The following KLHL22 variants were observed in gnomAD, a reference collection of about 807,000 sequenced individuals.
The protein encoded by KLHL22 is kelch-like protein 22.
Under a neutral mutation model 60.7 loss-of-function variants are expected in KLHL22, and 18 were observed. That is an observed-to-expected ratio of 0.30 (90% CI 0.20 to 0.44). KLHL22 has a LOEUF of 0.44. Ranked by LOEUF, KLHL22 falls within the 20% of genes least tolerant of loss-of-function variation. KLHL22 has a pLI of 1.00. For missense variants in KLHL22, 596 were observed against 852.3 expected, an observed-to-expected ratio of 0.70 and a Z score of 3.74; for synonymous variants, 355 against 354.5, an observed-to-expected ratio of 1.00 and a Z score of -0.01.
intron 6 of KLHL22, among the ~76,000 whole-genome samples, chr22:20,442,935 T>C (rs933644916): frequency 2.0e-5 from 3 of 152,230 alleles, no homozygotes; most frequent in Admixed American, 2.0e-4. Flanking sequence ...TGGAAGTAAT[T>C]CCTTGCGGAG....
intron 2 of KLHL22, among the ~76,000 whole-genome samples, chr22:20,484,985 C>T (rs1234399160): frequency 6.6e-6 from 1 of 152,128 alleles, no homozygotes; most frequent in East Asian, 1.9e-4. Flanking sequence ...AAAGGCACAC[C>T]TACCCTGGAA....
At chr22:20,482,747 A>ATTT in intron 2 of KLHL22, 4 of 493,800 alleles carry the variant, frequency 8.1e-6, no homozygotes, top group Admixed American at 3.2e-5. Flanking sequence ...TAATTTTTGT[A>ATTT]TTTTTTTTTG....
chr22:20,494,057 C>T (rs2053730142), intron 1 of KLHL22, among the ~76,000 whole-genome samples: 2 of 131,518 alleles, frequency 1.5e-5, no homozygotes, highest in Admixed American at 8.5e-5. Flanking sequence ...CCAGCCTGGG[C>T]GACAGAGCCA....
intron 2 of KLHL22, among the ~76,000 whole-genome samples, chr22:20,487,002 C>T (rs1387689530): frequency 1.3e-5 from 2 of 151,966 alleles, no homozygotes; most frequent in Non-Finnish European, 2.9e-5. Context: ...TCACTGCAAC[C>T]TCCGCCTCCT....
chr22:20,488,953 A>G, intron 2 of KLHL22, 32 bp downstream of exon 2: 1 of 1,601,298 alleles, frequency 6.2e-7, no homozygotes, highest in Non-Finnish European at 8.5e-7. Context: ...TACCTTTGTT[A>G]TTCTTCTTAC....
intron 4 of KLHL22, among the ~76,000 whole-genome samples, chr22:20,458,844 G>A (rs764056705): frequency 2.1e-4 from 32 of 152,076 alleles, no homozygotes; most frequent in Admixed American, 1.2e-3. Context: ...CTCCACTCAA[G>A]GTCTCCCTCT....
At chr22:20,442,518 G>T in intron 6 of KLHL22, 80 bp from the exon 7 acceptor site, 1 of 1,472,630 alleles carries the variant, frequency 6.8e-7, no homozygotes. Context: ...ACTGACCAAG[G>T]TGGCAACAGT....
At chr22:20,466,373 A>T (rs2053236188) in intron 3 of KLHL22, among the ~76,000 whole-genome samples, 2 of 2,916 alleles carry the variant, frequency 6.9e-4, no homozygotes, top group African/African-American at 8.6e-4. Flanking sequence ...GACTCCGTCT[A>T]AAAAAAAAAA....
chr22:20,484,687 C>T (rs1180305261), intron 2 of KLHL22, among the ~76,000 whole-genome samples: 2 of 151,652 alleles, frequency 1.3e-5, no homozygotes, highest in South Asian at 2.1e-4. Context: ...CCACCTTGGC[C>T]TTGCAAAACG....
chr22:20,450,552 C>A (rs902666632), intron 5 of KLHL22: 1 of 1,613,166 alleles, frequency 6.2e-7, no homozygotes, highest in African/African-American at 1.3e-5. Flanking sequence ...CTGAAACCCA[C>A]AATTGTGTTG....
In KLHL22 at chr22:20,464,932, C is replaced by T; in HGVS notation, c.1038G>A (p.Val346=). The change falls in exon 4 of 7, where the codon GTG becomes GTA. Residue 346 remains valine, a synonymous_variant. Coordinates refer to ENST00000328879, the MANE Select transcript of KLHL22 (RefSeq NM_032775.4). The part of the protein sequence containing the change: ...APRMSNQGIA[V]LNNFVYLIGG... ...CAATCAAGTATACGAAGTTGTTGAG[C>T]ACCGCGATGCCCTGGTTGGACATGC... The T allele has an allele frequency of 1.9e-6, 3 of 1,584,272 alleles. No individual in the cohort carries two copies. The highest frequency in any genetic ancestry group is 1.7e-6 in the Non-Finnish European group (2 of 1,167,212).
chr22:20,441,960 G>C lies in KLHL22; in HGVS notation c.*113C>G, dbSNP rs879479591. The C allele has an allele frequency of 4.9e-5, 55 of 1,130,872 alleles. No homozygotes were observed. The highest frequency in any genetic ancestry group is 6.4e-5 in the Non-Finnish European group (53 of 825,758). The allele number at this position is 1,130,872 out of a possible 1,614,324, so 70.1% of individuals were successfully genotyped here. On this transcript the variant is annotated 3_prime_UTR_variant, in exon 7 of 7. Transcript: ENST00000328879. Reference sequence around the variant, plus strand: ...AAAGAGGGCAGGGCCCATAAGCTGTGGCCAACAGGGGCAGGGGCCCTGCCT... The same window carrying C: ...AAAGAGGGCAGGGCCCATAAGCTGTCGCCAACAGGGGCAGGGGCCCTGCCT...
At chr22:20,458,642 A>G (rs2053105148) in intron 4 of KLHL22, among the ~76,000 whole-genome samples, 1 of 151,676 alleles carries the variant, frequency 6.6e-6, no homozygotes, top group Non-Finnish European at 1.5e-5. Flanking sequence ...GATGGGTGCC[A>G]TCAGCCCCCT....
intron 2 of KLHL22, 41 bp downstream of exon 2, chr22:20,488,944 A>G: frequency 2.5e-6 from 4 of 1,586,972 alleles, no homozygotes; most frequent in Non-Finnish European, 3.4e-6. Flanking sequence ...AGCCAGGATT[A>G]CCTTTGTTAT....
chr22:20,490,888 C>A (rs1246414611), intron 1 of KLHL22, among the ~76,000 whole-genome samples: 1 of 152,184 alleles, frequency 6.6e-6, no homozygotes, highest in African/African-American at 2.4e-5. Flanking sequence ...TGATACAGGT[C>A]TGAGGCCTGG....
intron 5 of KLHL22, among the ~76,000 whole-genome samples, chr22:20,449,444 A>G (rs2052938427): frequency 6.6e-6 from 1 of 151,972 alleles, no homozygotes; most frequent in Non-Finnish European, 1.5e-5. Context: ...TCTGTCGCCC[A>G]GGCTGGAGTG....
intron 2 of KLHL22, among the ~76,000 whole-genome samples, chr22:20,475,765 T>A (rs749985138): frequency 4.6e-5 from 7 of 152,148 alleles, no homozygotes; most frequent in Admixed American, 1.3e-4. Context: ...GTTATCACTA[T>A]GTTGGCCAGG....
intron 1 of KLHL22, among the ~76,000 whole-genome samples, chr22:20,494,627 T>A (rs1268212662): frequency 1.3e-4 from 20 of 152,290 alleles, no homozygotes. Flanking sequence ...TCTGCCAGCC[T>A]TGGCCTCCCA....
intron 6 of KLHL22, among the ~76,000 whole-genome samples, chr22:20,444,779 T>TTTTGTTTGTTTGTTTGTTTG (rs150439544): frequency 5.3e-5 from 8 of 151,368 alleles, no homozygotes; most frequent in East Asian, 2.0e-4. Flanking sequence ...GGATGCTCTT[T>TTTTGTTTGTTTGTTTGTTTG]TTTGTTTGTT....
Sources: gnomAD v4.1 joint callset for allele counts (sites outside exome capture counted in the v4.1 genomes callset) on GRCh38, gnomAD v4.1.1 for gene constraint, MANE v1.5 for transcripts, NCBI Gene and HGNC (gene_info 2026-07-23, HGNC 2026-07-21) for gene names.